LYRM4: variants seen among roughly 807,000 people sequenced by gnomAD.
The protein encoded by LYRM4 is LYR motif containing 4, also known as LYR motif-containing protein 4.
In LYRM4, 9 loss-of-function variants were observed where a neutral mutation model predicts 11.7. That is an observed-to-expected ratio of 0.77 (90% CI 0.46 to 1.34). The LOEUF is 1.34. Ranked by LOEUF, LYRM4 falls within the 40% of genes most tolerant of loss-of-function variation. LYRM4 has a pLI of 0.00. For missense variants in LYRM4, 133 were observed against 112.5 expected (o/e 1.18, Z -0.82); for synonymous variants, 42 against 40.4 (o/e 1.04, Z -0.15).
intron 1 of LYRM4, among the ~76,000 whole-genome samples, chr6:5,230,251 T>G (rs17139843): frequency 0.02 from 3,088 of 152,316 alleles, 107 homozygotes; most frequent in African/African-American, 0.068. Flanking sequence ...GATGACCACA[T>G]GCTTCATTTG....
chr6:5,086,352 G>A, the LYRM4 span: 4 of 1,536,002 alleles, frequency 2.6e-6, no homozygotes, highest in Non-Finnish European at 3.5e-6. Context: ...CAGGGTCCGG[G>A]GATGCCAAGA....
intron 1 of LYRM4, among the ~76,000 whole-genome samples, chr6:5,259,136 C>A (rs1278449244): frequency 6.6e-6 from 1 of 152,202 alleles, no homozygotes; most frequent in Non-Finnish European, 1.5e-5. Flanking sequence ...CTCACATAAA[C>A]CCTCTCCCTG....
chr6:5,066,930 C>A, the LYRM4 span: 2 of 1,120,696 alleles, frequency 1.8e-6, no homozygotes, highest in Non-Finnish European at 1.2e-6. Context: ...ACCAGCGCCC[C>A]CCAAGGCGGA....
At chr6:5,144,193 T>A in intron 2 of LYRM4, 2 of 1,536,838 alleles carry the variant, frequency 1.3e-6, no homozygotes, top group Non-Finnish European at 8.7e-7. Context: ...GGCCAACTTG[T>A]GCAGGGCTTC....
At chr6:5,207,432 G>C (rs1761762860) in intron 2 of LYRM4, among the ~76,000 whole-genome samples, 1 of 152,168 alleles carries the variant, frequency 6.6e-6, no homozygotes, top group Non-Finnish European at 1.5e-5. Flanking sequence ...GTGCAACACA[G>C]AAATACAAAT....
At chr6:5,153,334 G>A (rs1300859532) in intron 2 of LYRM4, among the ~76,000 whole-genome samples, 4 of 151,994 alleles carry the variant, frequency 2.6e-5, no homozygotes, top group African/African-American at 7.3e-5. Context: ...CAAGTGACCC[G>A]CCCACCTCAG....
At chr6:5,180,672 G>T (rs1760018721) in intron 2 of LYRM4, among the ~76,000 whole-genome samples, 2 of 152,172 alleles carry the variant, frequency 1.3e-5, no homozygotes, top group African/African-American at 4.8e-5. Flanking sequence ...GTTGCCTCCA[G>T]CCTCTCAGCT....
intron 2 of LYRM4, among the ~76,000 whole-genome samples, chr6:5,201,940 T>C (rs1214872706): frequency 3.3e-5 from 5 of 152,208 alleles, no homozygotes; most frequent in African/African-American, 1.2e-4. Context: ...TGAGCTCATT[T>C]CTTAACTTCT....
At chr6:5,090,988 CT>C in the LYRM4 span, among the ~76,000 whole-genome samples, 5 of 151,414 alleles carry the variant, frequency 3.3e-5, no homozygotes, top group Non-Finnish European at 5.9e-5. This position sits in a 1 kb window ranked among gnomAD's most constrained non-coding sequence, Gnocchi z 4.8. Flanking sequence ...AATGTGATTT[CT>C]TTTTTTTTAT....
At chr6:5,198,275 C>T (rs1414924585) in intron 2 of LYRM4, among the ~76,000 whole-genome samples, 1 of 152,164 alleles carries the variant, frequency 6.6e-6, no homozygotes, top group Non-Finnish European at 1.5e-5. Flanking sequence ...ACTCATAAAA[C>T]ACCCAAGTGC....
chr6:5,218,306 A>G, intron 1 of LYRM4: 1 of 985,308 alleles, frequency 1.0e-6, no homozygotes, highest in Non-Finnish European at 1.2e-6. Flanking sequence ...CAACAGAAGA[A>G]TGGAAATACA....
intron 2 of LYRM4, among the ~76,000 whole-genome samples, chr6:5,191,825 C>G (rs1561860411): frequency 6.6e-6 from 1 of 152,148 alleles, no homozygotes; most frequent in Non-Finnish European, 1.5e-5. Flanking sequence ...TCAGCATGAA[C>G]CAATAATTGT....
chr6:5,071,235 C>T, the LYRM4 span, among the ~76,000 whole-genome samples: 1 of 152,002 alleles, frequency 6.6e-6, no homozygotes, highest in Non-Finnish European at 1.5e-5. Flanking sequence ...AGCTTCTTTC[C>T]TATCGTTCCA....
chr6:5,050,803 A>G, the LYRM4 span, among the ~76,000 whole-genome samples: 1 of 152,350 alleles, frequency 6.6e-6, no homozygotes, highest in African/African-American at 2.4e-5. Flanking sequence ...CAAAGCATAC[A>G]AACAGAAAAG....
chr6:5,093,582 CAGCTATA>C, the LYRM4 span, among the ~76,000 whole-genome samples: 1 of 152,254 alleles, frequency 6.6e-6, no homozygotes, highest in Non-Finnish European at 1.5e-5. Context: ...CTGGTATACC[CAGCTATA>C]ATTTGCCACT....
rs147032206 is a variant in LYRM4 at position 5,142,095 on chromosome 6, T to C, written c.208-32604A>G. 5.2e-3 allele frequency among the ~76,000 whole-genome samples: 799 copies of C among 152,230 alleles called. 8 individuals carry two copies. Among genetic ancestry groups the C allele is most frequent in the African/African-American group, 0.018 (763 of 41,546 alleles). ...GTGTTTTCCAATGATTGTATTACAATGAATGGACCCTCCTCTACTGAGTGA... is the reference window on the plus strand; with the variant it reads ...GTGTTTTCCAATGATTGTATTACAACGAATGGACCCTCCTCTACTGAGTGA... On this transcript the variant is annotated intron_variant, in intron 2 of 2. Transcript: ENST00000330636.
At chr6:5,062,116 G>A in the LYRM4 span, among the ~76,000 whole-genome samples, 16 of 119,604 alleles carry the variant, frequency 1.3e-4, no homozygotes, top group Non-Finnish European at 2.1e-4. Context: ...ATAGGGTCTC[G>A]CTCTGTTGCC....
chr6:5,112,946 GAAT>G (rs2127595202), intron 2 of LYRM4: 1 of 162,632 alleles, frequency 6.1e-6, no homozygotes, highest in Admixed American at 6.3e-5. Flanking sequence ...AGAGAAGAGA[GAAT>G]AAAAGAGAAG....
chr6:5,032,532 GTA>G, the LYRM4 span: 1 of 152,176 alleles, frequency 6.6e-6, no homozygotes, highest in Admixed American at 6.5e-5. Flanking sequence ...TGACTACACA[GTA>G]TCTTAGTACA....
Sources: gnomAD v4.1 joint callset for allele counts (sites outside exome capture counted in the v4.1 genomes callset) on GRCh38, gnomAD v4.1.1 for gene constraint, Gnocchi (gnomAD v3.1) non-coding constraint, MANE v1.5 for transcripts, NCBI Gene and HGNC (gene_info 2026-07-23, HGNC 2026-07-21) for gene names.